The following RRBP1 variants were observed in gnomAD, a reference collection of about 807,000 sequenced individuals.
RRBP1 encodes the protein ribosome binding protein 1, also known as ribosome-binding protein 1.
Under a neutral mutation model 165.2 loss-of-function variants are expected in RRBP1, and 94 were observed. That is an observed-to-expected ratio of 0.57 (90% confidence interval 0.48 to 0.68). The LOEUF (loss-of-function observed/expected upper bound fraction) is 0.68. Ranked by LOEUF, RRBP1 falls within the 30% of genes least tolerant of loss-of-function variation. The probability of loss-of-function intolerance (pLI) is 0.00; values close to 1 mark genes in which losing one functional copy is unlikely to be tolerated. For missense variants in RRBP1, 1,676 were observed against 1,763.0 expected, an observed-to-expected ratio of 0.95 and a Z score of 0.88; for synonymous variants, 680 against 714.5, an observed-to-expected ratio of 0.95 and a Z score of 0.77.
chr20:17,640,427 G>A lies in RRBP1; in HGVS notation c.2184+1370C>T, dbSNP rs566379916. Among the ~76,000 whole-genome samples the A allele has an allele frequency of 2.6e-5, 4 of 151,590 alleles. No individual in the cohort carries two copies. In the South Asian group the frequency reaches 8.3e-4, roughly 31 times the overall value. On this transcript the variant is annotated intron_variant, in intron 5 of 24. Coordinates refer to ENST00000377813, the MANE Select transcript of RRBP1 (RefSeq NM_001365613.2). ...CAGGTAGGGAAAGGGAAGAGGTGAGGCCAGAGGCAGGGTGAGTGGCTGAGC... is the reference window on the plus strand; with the variant it reads ...CAGGTAGGGAAAGGGAAGAGGTGAGACCAGAGGCAGGGTGAGTGGCTGAGC...
chr20:17,645,348 C>T (rs566336247), intron 3 of RRBP1, among the ~76,000 whole-genome samples: 2 of 152,338 alleles, frequency 1.3e-5, no homozygotes, highest in South Asian at 2.1e-4. Context: ...AACGTAATTC[C>T]ATTCTATTAG....
chr20:17,669,153 G>T (rs1473765114), intron 2 of RRBP1, among the ~76,000 whole-genome samples: 1 of 152,148 alleles, frequency 6.6e-6, no homozygotes, highest in African/African-American at 2.4e-5. Context: ...AAGAAGAGTT[G>T]AAACACTAAA....
In RRBP1 at chr20:17,644,843, T is replaced by G. The variant is rs3790317; in HGVS notation, c.1913-1716A>C. 1.3e-4 allele frequency among the ~76,000 whole-genome samples: 20 copies of G among 152,374 alleles called. No homozygotes were observed. The East Asian group carries it at 3.9e-3, about 29-fold the overall frequency. On this transcript the variant is annotated intron_variant, in intron 3 of 24. Transcript: ENST00000377813. ...GTAATAATTTTATATATGGATTGTATGTTGAAATAACATTTTGGATAAACT... is the reference window on the plus strand; with the variant it reads ...GTAATAATTTTATATATGGATTGTAGGTTGAAATAACATTTTGGATAAACT...
intron 7 of RRBP1, among the ~76,000 whole-genome samples, chr20:17,634,282 G>GA (rs2036207380): frequency 6.6e-6 from 1 of 152,222 alleles, no homozygotes; most frequent in Admixed American, 6.5e-5. Context: ...ACCACCAGAC[G>GA]AGACTGTCCC....
intron 3 of RRBP1, among the ~76,000 whole-genome samples, chr20:17,658,204 G>A (rs2036680555): frequency 6.6e-6 from 1 of 152,202 alleles, no homozygotes; most frequent in Non-Finnish European, 1.5e-5. Flanking sequence ...CTCAGGCTCA[G>A]ACACATCACT....
chr20:17,647,458 G>A (rs1022171272), intron 3 of RRBP1, among the ~76,000 whole-genome samples: 1 of 152,226 alleles, frequency 6.6e-6, no homozygotes, highest in African/African-American at 2.4e-5. Flanking sequence ...ATTTTATTCT[G>A]TAGGCAACAA....
rs1034604483 is a variant in RRBP1, at chr20:17,660,073, T to G, written c.435A>C (p.Lys145Asn). Residue 145 changes from lysine to asparagine, a missense_variant, in exon 3 of 25, where the codon AAA becomes AAC. Physicochemically the swap from Lys to Asn is moderately conservative, Grantham distance 94. This residue lies in a region of RRBP1 where 392 missense variants were observed against 382.5 expected (regional missense o/e 1.02). Transcript: ENST00000377813. ...SPKDKKKKEK[K>N]VAKVEPAVSS... ...TGACAGCTGGTTCCACTTTTGCCAC[T>G]TTTTTCTCCTTCTTCTTTTTGTCCT... The G allele has an allele frequency of 1.9e-6, 3 of 1,613,894 alleles. No individual in the cohort carries two copies. Among genetic ancestry groups the G allele is most frequent in the South Asian group, 1.1e-5 (1 of 91,036 alleles).
At chr20:17,675,892 G>C (rs904096231) in intron 2 of RRBP1, among the ~76,000 whole-genome samples, 2 of 152,204 alleles carry the variant, frequency 1.3e-5, no homozygotes, top group Non-Finnish European at 2.9e-5. Context: ...CCCACCAGAG[G>C]CTAGAGAAAT....
chr20:17,662,177 G>A (rs192788842), intron 2 of RRBP1, among the ~76,000 whole-genome samples: 27 of 152,102 alleles, frequency 1.8e-4, no homozygotes, highest in Non-Finnish European at 1.5e-5. Flanking sequence ...GCAGGAGAAT[G>A]GGATGAACCT....
intron 5 of RRBP1, chr20:17,641,477 T>C: frequency 5.3e-6 from 2 of 378,040 alleles, no homozygotes; most frequent in South Asian, 3.2e-5. Flanking sequence ...GCAGGACCTG[T>C]CTAGTGAAAG....
chr20:17,653,705 G>A (rs1252874598), intron 3 of RRBP1, among the ~76,000 whole-genome samples: 1 of 152,012 alleles, frequency 6.6e-6, no homozygotes, highest in African/African-American at 2.4e-5. Flanking sequence ...GTGGTGGTGG[G>A]TGCCTGTAAT....
intron 21 of RRBP1, 73 bp downstream of exon 21, chr20:17,616,659 C>T (rs922256876): frequency 6.4e-5 from 67 of 1,039,498 alleles, no homozygotes; most frequent in Non-Finnish European, 9.4e-5. Context: ...GGGGTTTAGT[C>T]CGAACGGAGG....
intron 23 of RRBP1, 84 bp downstream of exon 23, chr20:17,615,347 T>A (rs1568748649): frequency 1.8e-6 from 2 of 1,139,822 alleles, no homozygotes; most frequent in East Asian, 5.4e-5. Context: ...GCTCTCCCCT[T>A]CCTGGCCCCT....
At chr20:17,646,789 C>G (rs1600756500) in intron 3 of RRBP1, among the ~76,000 whole-genome samples, 1 of 152,212 alleles carries the variant, frequency 6.6e-6, no homozygotes, top group Non-Finnish European at 1.5e-5. Context: ...TCACTGTCAA[C>G]TGTGGCGTCC....
chr20:17,672,358 A>C (rs919054657), intron 2 of RRBP1, among the ~76,000 whole-genome samples: 1 of 152,216 alleles, frequency 6.6e-6, no homozygotes, highest in African/African-American at 2.4e-5. Flanking sequence ...CATCAGCAAT[A>C]AAATCTGACC....
At chr20:17,667,972 T>C (rs1004876488) in intron 2 of RRBP1, among the ~76,000 whole-genome samples, 14 of 152,266 alleles carry the variant, frequency 9.2e-5, no homozygotes, top group Non-Finnish European at 1.0e-4. Flanking sequence ...GGCATTTTCT[T>C]GATGAGATGT....
intron 19 of RRBP1, 139 bp from the exon 20 acceptor site, chr20:17,618,818 G>A (rs911552200): frequency 3.6e-5 from 24 of 672,818 alleles, no homozygotes; most frequent in Middle Eastern, 2.5e-4. Context: ...GCATCGGGCC[G>A]GCACAGGGCT....
At position 17,658,653 on chromosome 20, in the gene RRBP1, G is replaced by C; in HGVS notation, c.1855C>G (p.Pro619Ala). 2 of 1,613,110 alleles carry C rather than the reference G, an allele frequency of 1.2e-6. No homozygotes were observed. Among genetic ancestry groups the C allele is most frequent in the Non-Finnish European group, 1.7e-6 (2 of 1,179,540 alleles). ...NTDVAQSPEA[P>A]KQEAPAKKKS... is the part of the protein sequence containing the mutation. ...TTCTTGGCAGGAGCCTCTTGCTTTG[G>C]TGCCTCTGGGCTCTGGGCCACATCT... The change falls in exon 3 of 25, where the codon CCA (proline) becomes GCA (alanine). Residue 619 changes from proline (P) to alanine (A), a missense_variant. Physicochemically the swap from Pro to Ala is conservative, Grantham distance 27. Around this residue, in one of 5 missense-constraint regions of RRBP1, gnomAD observed 1,184 missense variants for 1,167.1 expected, o/e 1.01. Coordinates refer to ENST00000377813, the MANE Select transcript of RRBP1 (RefSeq NM_001365613.2).
intron 3 of RRBP1, among the ~76,000 whole-genome samples, chr20:17,655,276 A>T (rs1219192124): frequency 6.6e-6 from 1 of 152,196 alleles, no homozygotes; most frequent in Non-Finnish European, 1.5e-5. Flanking sequence ...TGATCTTCCC[A>T]GGGGCTGAGG....
Sources: allele counts gnomAD v4.1 joint callset (sites outside exome capture counted in the v4.1 genomes callset), GRCh38; gene constraint gnomAD v4.1.1; regional missense constraint gnomAD v4.1.1; transcripts MANE v1.5; gene names NCBI Gene and HGNC (gene_info 2026-07-23, HGNC 2026-07-21).